The following KIDINS220 variants were observed in gnomAD, a reference collection of about 807,000 sequenced individuals.
The protein encoded by KIDINS220 is kinase D interacting substrate 220.
In KIDINS220, 63 loss-of-function variants were observed where a neutral mutation model predicts 157.6. The observed-to-expected ratio is 0.40, with a 90% CI of 0.33 to 0.49. The LOEUF is 0.49. Ranked by LOEUF, KIDINS220 falls within the 20% of genes least tolerant of loss-of-function variation. The pLI is 0.66. For missense variants in KIDINS220, 1,772 were observed against 2,171.2 expected (o/e 0.82, Z 3.65); for synonymous variants, 732 against 783.6 (o/e 0.93, Z 1.10).
intron 4 of KIDINS220, among the ~76,000 whole-genome samples, chr2:8,813,643 G>C (rs992779671): frequency 1.3e-5 from 2 of 152,272 alleles, no homozygotes; most frequent in Non-Finnish European, 2.9e-5. Context: ...ATTTCTTCAG[G>C]CTGGGTGCGG....
chr2:8,832,353 CATAT>C (rs1679765637), intron 1 of KIDINS220, among the ~76,000 whole-genome samples: 2 of 152,182 alleles, frequency 1.3e-5, no homozygotes, highest in South Asian at 4.1e-4. Flanking sequence ...TTTGTAAGCA[CATAT>C]ATAAGTGCCT....
intron 2 of KIDINS220, among the ~76,000 whole-genome samples, chr2:8,826,161 T>C (rs1049191527): frequency 1.3e-5 from 2 of 152,180 alleles, no homozygotes; most frequent in Admixed American, 6.5e-5. Context: ...CCTCATAACA[T>C]TGAGGAGAAA....
chr2:8,828,794 T>A (rs1165187246), intron 1 of KIDINS220, among the ~76,000 whole-genome samples: 48 of 152,232 alleles, frequency 3.2e-4, no homozygotes. Context: ...TCCTCCACCC[T>A]TGAACAGGAC....
chr2:8,787,984 G>T (rs1233258832), intron 15 of KIDINS220, among the ~76,000 whole-genome samples: 1 of 152,160 alleles, frequency 6.6e-6, no homozygotes, highest in East Asian at 1.9e-4. Flanking sequence ...GGGGACCAAG[G>T]CCAGTGGCTG....
intron 23 of KIDINS220, 105 bp downstream of exon 23, chr2:8,751,361 C>T: frequency 1.1e-5 from 10 of 887,764 alleles, no homozygotes; most frequent in Non-Finnish European, 3.5e-6. Flanking sequence ...TAGTTCAATA[C>T]CTCTTGGTTT....
intron 1 of KIDINS220, among the ~76,000 whole-genome samples, chr2:8,836,483 C>T (rs1041603492): frequency 2.0e-5 from 3 of 152,200 alleles, no homozygotes; most frequent in African/African-American, 7.2e-5. Context: ...TACACATATC[C>T]CTTGAGCTCC....
intron 9 of KIDINS220, 82 bp downstream of exon 9, chr2:8,800,318 G>T: frequency 2.5e-6 from 2 of 796,768 alleles, no homozygotes; most frequent in East Asian, 2.7e-5. Context: ...CCATAGGAAA[G>T]TGGGAAGAAT....
At position 8,778,737 on chromosome 2, in the gene KIDINS220, T is replaced by C; in HGVS notation, c.2615-10A>G. 1.9e-6 allele frequency: 3 copies of C among 1,611,830 alleles called. No individual in the cohort carries two copies. The highest frequency in any genetic ancestry group is 1.1e-5 in the South Asian group (1 of 91,028). On this transcript the variant is annotated splice_polypyrimidine_tract_variant and intron_variant, in intron 19 of 29. Transcript: ENST00000256707. ...GCATCTTCCTGTATCCCTTAAATAA[T>C]TTATCAAGACAGCATCACTTACACC...
chr2:8,806,786 G>A (rs1675517732), intron 6 of KIDINS220, among the ~76,000 whole-genome samples: 1 of 152,042 alleles, frequency 6.6e-6, no homozygotes, highest in Non-Finnish European at 1.5e-5. Context: ...TTGCCATGTT[G>A]GCCAGGCTGG....
At position 8,742,880 on chromosome 2, in the gene KIDINS220, G is replaced by A. The variant is rs530907838; in HGVS notation, c.3585+4265C>T. Reference sequence around the variant, plus strand: ...TAAAATAATTCAGGGAAAAATGAAAGGATGAAGAAATGCTTTATTGCTCCT... The same window carrying A: ...TAAAATAATTCAGGGAAAAATGAAAAGATGAAGAAATGCTTTATTGCTCCT... On this transcript the variant is annotated intron_variant, in intron 26 of 29. Transcript: ENST00000256707. 4.6e-5 allele frequency among the ~76,000 whole-genome samples: 7 copies of A among 152,314 alleles called. No homozygotes were observed. In the South Asian group the frequency reaches 1.5e-3, roughly 32 times the overall value.
At chr2:8,786,475 G>T in intron 15 of KIDINS220, 118 bp from the exon 16 acceptor site, 1 of 854,746 alleles carries the variant, frequency 1.2e-6, no homozygotes. Context: ...TCAAAATATT[G>T]TTTTTTAAAT....
rs1475200213 is a variant in KIDINS220 at position 8,744,396 on chromosome 2, T to A, written c.3585+2749A>T. On this transcript the variant is annotated intron_variant, in intron 26 of 29. Coordinates refer to ENST00000256707, the MANE Select transcript of KIDINS220 (RefSeq NM_020738.4). Reference sequence around the variant, plus strand: ...AAAAAAAAAAAAAAAAAAATATATATATATAATATATATATATATATATAT... The same window carrying A: ...AAAAAAAAAAAAAAAAAAATATATAAATATAATATATATATATATATATAT... 1.9e-3 allele frequency among the ~76,000 whole-genome samples: 48 copies of A among 24,724 alleles called. 6 individuals are homozygous for A. Among genetic ancestry groups the A allele is most frequent in the African/African-American group, 9.3e-3 (47 of 5,032 alleles). The allele number at this position is 24,724 out of a possible 152,430, so 16.2% of individuals were successfully genotyped here.
Position 8,747,274 on chromosome 2 carries a change from T to C in KIDINS220, c.3529-73A>G, listed in dbSNP as rs60592986. On this transcript the variant is annotated intron_variant, in intron 25 of 29. Coordinates refer to ENST00000256707, the MANE Select transcript of KIDINS220 (RefSeq NM_020738.4). The stretch of plus-strand genomic sequence containing the variant: ...GCCAAACTGTGAAGACAAATGAACA[T>C]GATGGTAAAATAATATACAACACTG... 8,223 of 1,287,878 alleles carry C rather than the reference T, an allele frequency of 6.4e-3. 422 individuals are homozygous for C. The African/African-American group carries it at 0.11, about 16-fold the overall frequency. 79.8% of individuals were successfully genotyped at this position (1,287,878 alleles called of 1,614,324 possible). A position where few individuals can be genotyped will look rare whatever the true frequency, so the allele number is the denominator to read the frequency against.
chr2:8,790,142 T>G, intron 13 of KIDINS220, 83 bp from the exon 14 acceptor site: 2 of 1,289,332 alleles, frequency 1.6e-6, no homozygotes, highest in Non-Finnish European at 2.1e-6. Flanking sequence ...TTTTCACATT[T>G]TCAATGTAAA....
chr2:8,741,990 A>G (rs1187989459), intron 26 of KIDINS220, among the ~76,000 whole-genome samples: 1 of 152,216 alleles, frequency 6.6e-6, no homozygotes, highest in Admixed American at 6.5e-5. Flanking sequence ...CCTGAAGCCT[A>G]AACACAACCT....
rs141062150 is a variant in KIDINS220 at position 8,780,039 on chromosome 2, G to A, written c.2230-225C>T. Among the ~76,000 whole-genome samples the A allele has an allele frequency of 1.2e-4, 18 of 152,318 alleles. No homozygotes were observed. The East Asian group carries it at 2.7e-3, about 23-fold the overall frequency. On this transcript the variant is annotated intron_variant, in intron 17 of 29. Coordinates refer to ENST00000256707, the MANE Select transcript of KIDINS220 (RefSeq NM_020738.4). ...ATCCTCAGAATGACACTGTGGGATA[G>A]ACACTACCATATCTGTTCTAAAAAG...
intron 15 of KIDINS220, among the ~76,000 whole-genome samples, chr2:8,786,632 C>CAG (rs1326187205): frequency 6.6e-6 from 1 of 152,014 alleles, no homozygotes; most frequent in Non-Finnish European, 1.5e-5. Context: ...AAAGTTACGC[C>CAG]AGAACTTAGA....
chr2:8,802,031 G>C (rs534526325), intron 8 of KIDINS220, among the ~76,000 whole-genome samples: 3 of 152,324 alleles, frequency 2.0e-5, no homozygotes, highest in South Asian at 4.1e-4. Context: ...TAAGAGCACA[G>C]CTGCTGCAAA....
intron 3 of KIDINS220, among the ~76,000 whole-genome samples, chr2:8,817,953 GAAC>G (rs1677330228): frequency 6.6e-6 from 1 of 152,158 alleles, no homozygotes; most frequent in Non-Finnish European, 1.5e-5. Flanking sequence ...TCTACTCACT[GAAC>G]TTCTAATCAT....
Sources: gnomAD v4.1 joint callset for allele counts (sites outside exome capture counted in the v4.1 genomes callset) on GRCh38, gnomAD v4.1.1 for gene constraint, MANE v1.5 for transcripts, NCBI Gene and HGNC (gene_info 2026-07-23, HGNC 2026-07-21) for gene names.